The following LY96 variants were observed in gnomAD, a reference collection of about 807,000 sequenced individuals.
LY96 encodes the protein myeloid differentiation protein-2.
A neutral mutation model predicts 18.9 loss-of-function variants in LY96; 18 were observed. That is an observed-to-expected ratio of 0.95 (90% CI 0.66 to 1.41). The LOEUF (loss-of-function observed/expected upper bound fraction) is 1.41. Ranked by LOEUF, LY96 falls within the 40% of genes most tolerant of loss-of-function variation. The probability of loss-of-function intolerance (pLI) is 0.00; values close to 1 mark genes in which losing one functional copy is unlikely to be tolerated. For missense variants in LY96, 175 were observed against 182.4 expected, an observed-to-expected ratio of 0.96 and a Z score of 0.23; for synonymous variants, 66 against 62.6, an observed-to-expected ratio of 1.06 and a Z score of -0.26.
chr8:74,014,894 A>G (rs1367462016), intron 3 of LY96, among the ~76,000 whole-genome samples: 1 of 151,998 alleles, frequency 6.6e-6, no homozygotes, highest in Non-Finnish European at 1.5e-5. Context: ...ATGGATGGAT[A>G]TTTCAAAGCA....
At chr8:74,011,807 C>T (rs140080729) in intron 3 of LY96, among the ~76,000 whole-genome samples, 4,374 of 145,678 alleles carry the variant, frequency 0.03, 105 homozygotes, top group African/African-American at 0.064. Context: ...TGCAGTGAGG[C>T]GAGACCATGC....
At chr8:74,026,041 T>C (rs2131284791) in intron 3 of LY96, among the ~76,000 whole-genome samples, 1 of 152,186 alleles carries the variant, frequency 6.6e-6, no homozygotes, top group East Asian at 1.9e-4. Context: ...AGAAAGAGGA[T>C]ACATCCAGAA....
chr8:73,995,651 G>A (rs1275454570), intron 1 of LY96, among the ~76,000 whole-genome samples: 3 of 152,126 alleles, frequency 2.0e-5, no homozygotes, highest in African/African-American at 7.2e-5. Context: ...AAAAATGTGG[G>A]TGTGTGAGTT....
chr8:74,095,963 G>T, the LY96 span, among the ~76,000 whole-genome samples: 1 of 152,140 alleles, frequency 6.6e-6, no homozygotes, highest in Non-Finnish European at 1.5e-5. Context: ...TTTCTTCCAA[G>T]TTGGCTTTCC....
the LY96 span, among the ~76,000 whole-genome samples, chr8:74,077,010 G>C: frequency 5.3e-5 from 8 of 152,250 alleles, no homozygotes; most frequent in African/African-American, 1.9e-4. Flanking sequence ...TTGCTACAAT[G>C]ACTCATAGAA....
chr8:73,999,375 C>G (rs928896692), intron 1 of LY96, among the ~76,000 whole-genome samples: 1 of 152,194 alleles, frequency 6.6e-6, no homozygotes, highest in African/African-American at 2.4e-5. Flanking sequence ...AAGTGATCTT[C>G]CCACCTCAGC....
At chr8:73,992,765 G>A (rs1237838168) in intron 1 of LY96, among the ~76,000 whole-genome samples, 1 of 151,666 alleles carries the variant, frequency 6.6e-6, no homozygotes, top group Non-Finnish European at 1.5e-5. Flanking sequence ...TTCCAGCAAG[G>A]CTCCTACTCT....
intron 3 of LY96, among the ~76,000 whole-genome samples, chr8:74,025,120 C>T (rs959169271): frequency 6.6e-6 from 1 of 152,212 alleles, no homozygotes; most frequent in Admixed American, 6.5e-5. Flanking sequence ...AGCCACCGCT[C>T]ACAGCTGGAA....
chr8:74,019,006 T>G (rs557420026), intron 3 of LY96, among the ~76,000 whole-genome samples: 17 of 151,820 alleles, frequency 1.1e-4, no homozygotes, highest in Non-Finnish European at 5.9e-5. Flanking sequence ...ACATCACAAT[T>G]AAAAGAACTA....
At chr8:74,021,043 T>C (rs1415485573) in intron 3 of LY96, among the ~76,000 whole-genome samples, 3 of 152,128 alleles carry the variant, frequency 2.0e-5, no homozygotes, top group African/African-American at 4.8e-5. Flanking sequence ...CCAAAAGCAA[T>C]GGCAACAAAA....
At chr8:74,068,076 A>AT in the LY96 span, among the ~76,000 whole-genome samples, 87 of 135,626 alleles carry the variant, frequency 6.4e-4, 2 homozygotes, top group African/African-American at 2.7e-3. Flanking sequence ...AAAAAAAAAA[A>AT]AAAAAAAAAA....
the LY96 span, among the ~76,000 whole-genome samples, chr8:74,060,338 A>C: frequency 6.6e-6 from 1 of 152,262 alleles, no homozygotes; most frequent in Non-Finnish European, 1.5e-5. Flanking sequence ...CAAAGTTAAA[A>C]AAATCTAATG....
At chr8:74,029,817 A>G (rs1187196063), downstream of LY96, among the ~76,000 whole-genome samples, 5 of 151,982 alleles carry the variant, frequency 3.3e-5, no homozygotes, top group African/African-American at 1.2e-4. Context: ...CTGCCATCAC[A>G]CCTGGCTAAT....
the LY96 span, among the ~76,000 whole-genome samples, chr8:74,061,144 G>C: frequency 4.2e-3 from 636 of 152,296 alleles, 3 homozygotes; most frequent in African/African-American, 0.015. Flanking sequence ...CCTGATCGCT[G>C]TTATAGACTG....
downstream of LY96, among the ~76,000 whole-genome samples, chr8:74,033,227 C>T (rs577305300): frequency 6.6e-6 from 1 of 152,064 alleles, no homozygotes; most frequent in South Asian, 2.1e-4. Flanking sequence ...TAAAAGAGCT[C>T]ACCCCAGAAC....
intron 1 of LY96, among the ~76,000 whole-genome samples, chr8:73,992,931 T>C (rs1350521626): frequency 6.6e-6 from 1 of 151,116 alleles, no homozygotes; most frequent in Non-Finnish European, 1.5e-5. Context: ...TTCGGCTCAC[T>C]GCAACCTCTG....
the LY96 span, among the ~76,000 whole-genome samples, chr8:74,060,778 A>G: frequency 6.6e-6 from 1 of 152,206 alleles, no homozygotes; most frequent in Non-Finnish European, 1.5e-5. Context: ...CCTGTATCCT[A>G]GGAGATTATG....
chr8:74,010,407 C>A (rs1291764956), intron 3 of LY96, among the ~76,000 whole-genome samples: 1 of 151,912 alleles, frequency 6.6e-6, no homozygotes, highest in South Asian at 2.1e-4. Flanking sequence ...CCTTTATGTT[C>A]CTCCTTGGAA....
the LY96 span, among the ~76,000 whole-genome samples, chr8:74,074,966 TG>T: frequency 1.3e-5 from 2 of 152,252 alleles, no homozygotes; most frequent in African/African-American, 4.8e-5. Flanking sequence ...CTGGAGCTGT[TG>T]GATGAAATGT....
Sources: allele counts gnomAD v4.1 joint callset (sites outside exome capture counted in the v4.1 genomes callset), GRCh38; gene constraint gnomAD v4.1.1; transcripts MANE v1.5; gene names NCBI Gene and HGNC (gene_info 2026-07-23, HGNC 2026-07-21).